Variants in PCDHGA3 observed in about 807,000 individuals in gnomAD.
PCDHGA3 encodes the protein protocadherin gamma-A3.
A neutral mutation model predicts 58.5 loss-of-function variants in PCDHGA3; 40 were observed. That is an observed-to-expected ratio of 0.68 (90% CI 0.53 to 0.89). PCDHGA3 has a LOEUF of 0.89. Among genes scored for constraint, PCDHGA3 ranks in the 40% least tolerant of loss-of-function variants. PCDHGA3 has a pLI of 0.00. For synonymous variants in PCDHGA3, 530 were observed against 525.7 expected (o/e 1.01, Z -0.11); for missense variants, 1,223 against 1,195.9 (o/e 1.02, Z -0.33).
intron 1 of PCDHGA3, among the ~76,000 whole-genome samples, chr5:141,429,377 GT>G (rs566693637): frequency 1.3e-4 from 20 of 149,526 alleles, no homozygotes; most frequent in South Asian, 8.5e-4. Flanking sequence ...GAGAAAATGT[GT>G]TTTTTTTTTA....
At chr5:141,361,947 G>T in intron 1 of PCDHGA3, 1 of 1,604,064 alleles carries the variant, frequency 6.2e-7, no homozygotes, top group South Asian at 1.1e-5. Flanking sequence ...ACGCTTGGCT[G>T]TCCTACCACG....
chr5:141,354,617 T>C (rs942305232), intron 1 of PCDHGA3, among the ~76,000 whole-genome samples: 1 of 152,238 alleles, frequency 6.6e-6, no homozygotes, highest in Non-Finnish European at 1.5e-5. Flanking sequence ...TGTCCCACTG[T>C]CTTTTCACTT....
intron 1 of PCDHGA3, among the ~76,000 whole-genome samples, chr5:141,452,575 T>A (rs1386847800): frequency 6.6e-6 from 1 of 152,192 alleles, no homozygotes; most frequent in Non-Finnish European, 1.5e-5. Flanking sequence ...CCTTCCCCCT[T>A]TCCATCTTTG....
intron 1 of PCDHGA3, chr5:141,385,702 C>A: frequency 3.6e-6 from 1 of 278,020 alleles, no homozygotes; most frequent in Non-Finnish European, 5.7e-6. Context: ...TTCTCTTTAG[C>A]ATTCAAATAT....
At chr5:141,411,567 G>A (rs1390794685) in intron 1 of PCDHGA3, 1 of 152,186 alleles carries the variant, frequency 6.6e-6, no homozygotes, top group Non-Finnish European at 1.5e-5. Context: ...CTGGGCGACA[G>A]AGTGCGACCC....
chr5:141,414,124 G>C, intron 1 of PCDHGA3: 1 of 1,592,872 alleles, frequency 6.3e-7, no homozygotes, highest in Non-Finnish European at 8.6e-7. Context: ...TGAAGAAACC[G>C]GTTTCTATGA....
At chr5:141,401,756 A>G (rs560146125) in intron 1 of PCDHGA3, among the ~76,000 whole-genome samples, 2 of 152,332 alleles carry the variant, frequency 1.3e-5, no homozygotes, top group African/African-American at 4.8e-5. Context: ...CTCCCATTAC[A>G]TGGTATAAGT....
chr5:141,368,392 C>T (rs978574831), intron 1 of PCDHGA3, among the ~76,000 whole-genome samples: 2 of 152,084 alleles, frequency 1.3e-5, no homozygotes, highest in African/African-American at 4.8e-5. Context: ...TACACACACA[C>T]AAACACACAT....
In PCDHGA3 at chr5:141,382,029, A is replaced by C. The variant is rs574099831; in HGVS notation, c.2424+35572A>C. 4.6e-4 allele frequency among the ~76,000 whole-genome samples: 70 copies of C among 151,618 alleles called. 2 individuals carry two copies. The South Asian group carries it at 0.013, about 28-fold the overall frequency. On this transcript the variant is annotated intron_variant, in intron 1 of 3. Coordinates refer to ENST00000253812, the MANE Select transcript of PCDHGA3 (RefSeq NM_018916.4). Reference sequence around the variant, plus strand: ...TTTTTAGTAGAGACGGGGTTTCTCCATGTTGGTCAGGCTGGTCTCAAGCTC... The same window carrying C: ...TTTTTAGTAGAGACGGGGTTTCTCCCTGTTGGTCAGGCTGGTCTCAAGCTC...
chr5:141,362,306 G>A, intron 1 of PCDHGA3: 1 of 1,614,050 alleles, frequency 6.2e-7, no homozygotes, highest in Non-Finnish European at 8.5e-7. Context: ...TCAGATGCTT[G>A]GGACTGTTTT....
chr5:141,371,469 G>T, intron 1 of PCDHGA3: 1 of 1,613,990 alleles, frequency 6.2e-7, no homozygotes, highest in Non-Finnish European at 8.5e-7. Flanking sequence ...TATACAAGAA[G>T]ATGCTGAGCT....
chr5:141,453,465 A>G (rs1167340749), intron 1 of PCDHGA3, among the ~76,000 whole-genome samples: 2 of 152,098 alleles, frequency 1.3e-5, no homozygotes, highest in African/African-American at 4.8e-5. Flanking sequence ...AAACATTAAC[A>G]TAAAGTCAAA....
intron 1 of PCDHGA3, chr5:141,364,485 T>C (rs1357301419): frequency 6.2e-7 from 1 of 1,614,028 alleles, no homozygotes; most frequent in Admixed American, 1.7e-5. Flanking sequence ...GCCAAGGACC[T>C]TGGGCTGGAG....
At position 141,431,698 on chromosome 5, in the gene PCDHGA3, AT is replaced by A. The variant is rs2097408637; in HGVS notation, c.2425-63107del. ...GGGAGTTGGACCACGAGGAGTCAGG[AT>A]TCTACCAGATGGAAGTGCAAGCAAT... On this transcript the variant is annotated intron_variant, in intron 1 of 3. Coordinates refer to ENST00000253812, the MANE Select transcript of PCDHGA3 (RefSeq NM_018916.4). The surrounding 1 kb of genome is among the most constrained non-coding windows in gnomAD (Gnocchi z 4.8). 4.3e-6 allele frequency: 7 copies of A among 1,614,104 alleles called. 1 individual carries two copies. The South Asian group carries it at 7.7e-5, about 18-fold the overall frequency.
chr5:141,366,874 A>G, intron 1 of PCDHGA3: 2 of 1,387,376 alleles, frequency 1.4e-6, no homozygotes, highest in East Asian at 4.7e-5. Context: ...TGTATTGGAG[A>G]TTAATTTTTT....
In PCDHGA3 at chr5:141,430,746, G is replaced by A. The variant is rs369205374; in HGVS notation, c.2425-64061G>A. ...TAAGGGCAGAATTGAAAATAATTCTGGAGGAAGATAAGAATGATTCCTGCG... is the reference window on the plus strand; with the variant it reads ...TAAGGGCAGAATTGAAAATAATTCTAGAGGAAGATAAGAATGATTCCTGCG... On this transcript the variant is annotated intron_variant, in intron 1 of 3. Coordinates refer to ENST00000253812, the MANE Select transcript of PCDHGA3 (RefSeq NM_018916.4). 3.3e-5 allele frequency: 49 copies of A among 1,500,684 alleles called. No homozygotes were observed. The African/African-American group carries it at 6.3e-4, about 19-fold the overall frequency. The allele number at this position is 1,500,684 out of a possible 1,614,324, so 93.0% of individuals were successfully genotyped here.
At chr5:141,397,304 A>G (rs1206880219) in intron 1 of PCDHGA3, among the ~76,000 whole-genome samples, 2 of 152,202 alleles carry the variant, frequency 1.3e-5, no homozygotes, top group Non-Finnish European at 2.9e-5. Context: ...TATTTCCTGA[A>G]GTAGAAGAGT....
At chr5:141,392,896 G>C in intron 1 of PCDHGA3, 2 of 1,613,812 alleles carry the variant, frequency 1.2e-6, no homozygotes, top group South Asian at 1.1e-5. Flanking sequence ...GAAATCGGGA[G>C]GGGACAGATT....
intron 1 of PCDHGA3, chr5:141,478,346 G>A: frequency 6.2e-7 from 1 of 1,613,794 alleles, no homozygotes; most frequent in African/African-American, 1.3e-5. Context: ...CTCCTTGCAC[G>A]CGGACGCCGT....
Sources: gnomAD v4.1 joint callset for allele counts (sites outside exome capture counted in the v4.1 genomes callset) on GRCh38, gnomAD v4.1.1 for gene constraint, Gnocchi (gnomAD v3.1) non-coding constraint, MANE v1.5 for transcripts, NCBI Gene and HGNC (gene_info 2026-07-23, HGNC 2026-07-21) for gene names.